Variants in PTPRN2 observed in about 807,000 individuals in gnomAD.
The protein encoded by PTPRN2 is protein tyrosine phosphatase receptor type N2.
In PTPRN2, 74 loss-of-function variants were observed where a neutral mutation model predicts 118.8. The ratio of observed to expected loss-of-function variants is 0.62; its 90% CI spans 0.52 to 0.76. The LOEUF is 0.76. PTPRN2 is among the 30% of genes least tolerant of loss of function. The pLI, the probability that PTPRN2 is intolerant of heterozygous loss-of-function variation, is 0.00. For synonymous variants in PTPRN2, 641 were observed against 608.0 expected, an observed-to-expected ratio of 1.05 and a Z score of -0.80; for missense variants, 1,481 against 1,394.4, an observed-to-expected ratio of 1.06 and a Z score of -0.99.
chr7:158,321,245 C>T lies in PTPRN2; in HGVS notation c.164-4313G>A, dbSNP rs563249009. On this transcript the variant is annotated intron_variant, in intron 2 of 22. Transcript: ENST00000389418. ...ATCCCGGGAAGTGGCACACTGAAGT[C>T]GCCTCACCGCCGACCATTTAATCAC... is the stretch of plus-strand genomic sequence containing the variant. 1.3e-3 allele frequency among the ~76,000 whole-genome samples: 203 copies of T among 152,218 alleles called. 1 individual carries two copies. Among genetic ancestry groups the T allele is most frequent in the Non-Finnish European group, 1.6e-4 (11 of 68,016 alleles).
intron 16 of PTPRN2, among the ~76,000 whole-genome samples, chr7:157,602,642 A>G (rs189915480): frequency 1.5e-5 from 2 of 133,680 alleles, no homozygotes; most frequent in Admixed American, 7.6e-5. Flanking sequence ...ATCAGTGGCC[A>G]CTGAGACCAG....
intron 11 of PTPRN2, among the ~76,000 whole-genome samples, chr7:157,935,721 GACAGTCC>G (rs1483811007): frequency 6.6e-6 from 1 of 152,194 alleles, no homozygotes; most frequent in Non-Finnish European, 1.5e-5. Flanking sequence ...GGAACCTGGT[GACAGTCC>G]ACTCCTTGCT....
At chr7:158,306,066 A>G (rs945219139) in intron 3 of PTPRN2, among the ~76,000 whole-genome samples, 12 of 152,204 alleles carry the variant, frequency 7.9e-5, no homozygotes, top group Admixed American at 7.9e-4. Flanking sequence ...GACCCACTGG[A>G]AAGGCTGTCT....
chr7:157,830,276 GC>G (rs1807472373), intron 12 of PTPRN2, among the ~76,000 whole-genome samples: 1 of 152,176 alleles, frequency 6.6e-6, no homozygotes, highest in Non-Finnish European at 1.5e-5. Flanking sequence ...TCCCTACTCA[GC>G]CCTTAAAAAG....
chr7:158,164,188 C>G lies in PTPRN2; in HGVS notation c.910+2743G>C, dbSNP rs114669130. Among the ~76,000 whole-genome samples the G allele has an allele frequency of 4.8e-3, 734 of 152,302 alleles. 6 individuals are homozygous for G. Among genetic ancestry groups the G allele is most frequent in the African/African-American group, 0.017 (705 of 41,568 alleles). ...CGCCAAGGCAGGGAGGTGAAGCTCC[C>G]CGGTGCATAAGAAAGGCACACAGAA... is the stretch of plus-strand genomic sequence containing the variant. On this transcript the variant is annotated intron_variant, in intron 6 of 22. Transcript: ENST00000389418.
chr7:157,848,033 A>G (rs1276067479), intron 12 of PTPRN2, among the ~76,000 whole-genome samples: 1 of 139,708 alleles, frequency 7.2e-6, no homozygotes, highest in African/African-American at 2.7e-5. Flanking sequence ...CTCTCTCATT[A>G]CATCGTGTGT....
At chr7:158,282,921 C>T (rs1799524238) in intron 3 of PTPRN2, among the ~76,000 whole-genome samples, 2 of 148,734 alleles carry the variant, frequency 1.3e-5, no homozygotes, top group African/African-American at 5.0e-5. Flanking sequence ...CACACAGCAG[C>T]GGGATATAGA....
chr7:157,684,495 G>T (rs1325736812), intron 12 of PTPRN2, among the ~76,000 whole-genome samples: 1 of 151,804 alleles, frequency 6.6e-6, no homozygotes, highest in Non-Finnish European at 1.5e-5. Context: ...CCCGAACCCC[G>T]TTTGGTCCGG....
intron 2 of PTPRN2, among the ~76,000 whole-genome samples, chr7:158,385,632 A>G (rs901776316): frequency 6.6e-6 from 1 of 152,170 alleles, no homozygotes; most frequent in Non-Finnish European, 1.5e-5. Context: ...TTCCCTTTTA[A>G]TGGGGTTTAG....
intron 11 of PTPRN2, among the ~76,000 whole-genome samples, chr7:158,063,799 A>T (rs1336530215): frequency 6.6e-6 from 1 of 152,216 alleles, no homozygotes; most frequent in Non-Finnish European, 1.5e-5. Flanking sequence ...AGTCAGTGAG[A>T]CCAAGAACCC....
chr7:157,918,973 C>T (rs1003898680), intron 11 of PTPRN2, among the ~76,000 whole-genome samples: 6 of 152,186 alleles, frequency 3.9e-5, no homozygotes, highest in Admixed American at 6.5e-5. Context: ...ATGCCCCCAT[C>T]TTATTGATAA....
intron 2 of PTPRN2, among the ~76,000 whole-genome samples, chr7:158,412,484 T>G (rs1428660555): frequency 1.1e-4 from 8 of 72,090 alleles, no homozygotes; most frequent in Admixed American, 5.7e-4. Flanking sequence ...CCAGGGCCCA[T>G]CTCAGCACCC....
rs188817931 is a variant in PTPRN2 at position 158,582,546 on chromosome 7, G to A, written c.112+5012C>T. 9.9e-3 allele frequency among the ~76,000 whole-genome samples: 1,490 copies of A among 150,612 alleles called. 26 individuals carry two copies. Among genetic ancestry groups the A allele is most frequent in the African/African-American group, 0.034 (1,377 of 40,998 alleles). Reference sequence around the variant, plus strand: ...CCAGCCTGGGCAACATAGCAAGACCGTCCTCTCTCAAAAAAAAAAAAATTC... The same window carrying A: ...CCAGCCTGGGCAACATAGCAAGACCATCCTCTCTCAAAAAAAAAAAAATTC... On this transcript the variant is annotated intron_variant, in intron 1 of 22. Coordinates refer to ENST00000389418, the MANE Select transcript of PTPRN2 (RefSeq NM_002847.5).
Position 157,813,040 on chromosome 7 carries a change from G to A in PTPRN2, c.1788+85633C>T, listed in dbSNP as rs1428528697. Among the ~76,000 whole-genome samples, 1 of 152,182 alleles carries A rather than the reference G, an allele frequency of 6.6e-6. No individual in the cohort carries two copies. Among genetic ancestry groups the A allele is most frequent in the Non-Finnish European group, 1.5e-5 (1 of 68,046 alleles). The stretch of plus-strand genomic sequence containing the variant: ...TTCTGTTAAAAAGAGATGACTCGGT[G>A]ACAAACAGGAGGACGGTGCTCAAAT... On this transcript the variant is annotated intron_variant, in intron 12 of 22. Coordinates refer to ENST00000389418, the MANE Select transcript of PTPRN2 (RefSeq NM_002847.5). This position sits in a 1 kb window ranked among gnomAD's most constrained non-coding sequence, Gnocchi z 4.7.
intron 11 of PTPRN2, among the ~76,000 whole-genome samples, chr7:157,917,120 C>T (rs954913284): frequency 1.3e-5 from 2 of 151,738 alleles, no homozygotes; most frequent in African/African-American, 4.8e-5. Context: ...CGTCCTCCTC[C>T]CTGGCTGAAG....
At chr7:158,071,590 AGGTGCTCCTGGTGGAGGTGC>A (rs1811722018) in intron 11 of PTPRN2, among the ~76,000 whole-genome samples, 2 of 38,766 alleles carry the variant, frequency 5.2e-5, no homozygotes, top group Non-Finnish European at 9.3e-5. Context: ...CTCCTGGTGG[AGGTGCTCCTGGTGGAGGTGC>A]TCGTGGTGGA....
intron 2 of PTPRN2, among the ~76,000 whole-genome samples, chr7:158,437,207 G>T (rs986312545): frequency 6.6e-6 from 1 of 152,096 alleles, no homozygotes; most frequent in Non-Finnish European, 1.5e-5. Flanking sequence ...TCACTCATCT[G>T]CTCTTCCTTC....
intron 12 of PTPRN2, chr7:157,854,976 C>T (rs1442522858): frequency 1.3e-5 from 2 of 157,194 alleles, no homozygotes; most frequent in South Asian, 1.1e-4. Flanking sequence ...GGGGCTGGAT[C>T]GGGGAGGATG....
chr7:158,045,727 T>C (rs549219572), intron 11 of PTPRN2, among the ~76,000 whole-genome samples: 150 of 151,074 alleles, frequency 9.9e-4, no homozygotes, highest in Admixed American at 2.3e-3. Flanking sequence ...GACACTGCCT[T>C]GTTCTGTCCA....
Sources: allele counts gnomAD v4.1 joint callset (sites outside exome capture counted in the v4.1 genomes callset), GRCh38; gene constraint gnomAD v4.1.1; non-coding constraint Gnocchi (gnomAD v3.1); transcripts MANE v1.5; gene names NCBI Gene and HGNC (gene_info 2026-07-23, HGNC 2026-07-21).